STRN3: variants seen among roughly 807,000 people sequenced by gnomAD.
STRN3 encodes striatin-3.
A neutral mutation model predicts 95.6 loss-of-function variants in STRN3; 29 were observed. That is an observed-to-expected ratio of 0.30 (90% confidence interval 0.23 to 0.41). The LOEUF is 0.41. Among genes scored for constraint, STRN3 ranks in the 10% least tolerant of loss-of-function variants. The probability of loss-of-function intolerance (pLI) is 1.00; values close to 1 mark genes in which losing one functional copy is unlikely to be tolerated. For synonymous variants in STRN3, 331 were observed against 357.6 expected, an observed-to-expected ratio of 0.93 and a Z score of 0.84; for missense variants, 890 against 972.1, an observed-to-expected ratio of 0.92 and a Z score of 1.12.
In STRN3 at chr14:30,997,116, G is replaced by A. The variant is rs369810335; in HGVS notation, c.282+28788C>T. On this transcript the variant is annotated intron_variant, in intron 1 of 17. Transcript: ENST00000357479. Reference sequence around the variant, plus strand: ...CACAAAAGGCTAAGGAACAGGATCAGGACCTAATCGTAACAGCAGCAGGGC... The same window carrying A: ...CACAAAAGGCTAAGGAACAGGATCAAGACCTAATCGTAACAGCAGCAGGGC... Among the ~76,000 whole-genome samples the A allele has an allele frequency of 3.2e-3, 493 of 152,224 alleles. 15 individuals are homozygous for A. The South Asian group carries it at 0.072, about 22-fold the overall frequency.
intron 9 of STRN3, among the ~76,000 whole-genome samples, chr14:30,914,698 C>T (rs1896692548): frequency 8.7e-5 from 2 of 22,976 alleles, no homozygotes; most frequent in African/African-American, 1.9e-4. Context: ...TTTTAATGTC[C>T]CATTCTAGTT....
chr14:30,911,232 C>A, intron 12 of STRN3, 70 bp from the exon 13 acceptor site: 1 of 1,497,988 alleles, frequency 6.7e-7, no homozygotes, highest in African/African-American at 1.4e-5. Context: ...TCCATTCCCC[C>A]AACCTCTGAA....
At chr14:30,998,706 T>G (rs1882312546) in intron 1 of STRN3, among the ~76,000 whole-genome samples, 1 of 152,260 alleles carries the variant, frequency 6.6e-6, no homozygotes, top group Non-Finnish European at 1.5e-5. Context: ...GTGCAGAGAC[T>G]TCAGTAACCA....
chr14:30,969,869 G>A (rs906711754), intron 1 of STRN3, among the ~76,000 whole-genome samples: 15 of 151,922 alleles, frequency 9.9e-5, no homozygotes, highest in Non-Finnish European at 1.9e-4. Context: ...TCTCATCAAA[G>A]AGTGGAAAGA....
chr14:31,018,649 C>T (rs1883358783), intron 1 of STRN3: 1 of 468,464 alleles, frequency 2.1e-6, no homozygotes, highest in Non-Finnish European at 4.2e-6. Context: ...ACTTTGCGGA[C>T]AAAACTGGCC....
At chr14:31,025,574 C>T in intron 1 of STRN3, 1 of 409,570 alleles carries the variant, frequency 2.4e-6, no homozygotes, top group Non-Finnish European at 4.5e-6. Flanking sequence ...CCGGACTCTC[C>T]CACAGAGAGG....
At chr14:30,968,199 G>A (rs1880630719) in intron 1 of STRN3, among the ~76,000 whole-genome samples, 1 of 151,180 alleles carries the variant, frequency 6.6e-6, no homozygotes, top group South Asian at 2.1e-4. Flanking sequence ...AGTGTAACAT[G>A]TATTATCCTA....
chr14:30,970,088 T>C (rs1880749556), intron 1 of STRN3, among the ~76,000 whole-genome samples: 1 of 152,252 alleles, frequency 6.6e-6, no homozygotes, highest in African/African-American at 2.4e-5. Context: ...ACTCTTCTTT[T>C]CTCACTCTAT....
Position 30,912,157 on chromosome 14 carries a change from C to A in STRN3, c.1400G>T (p.Arg467Leu). ...TGTATACTTGGGATTCCATGTCTTTCGAAAGGCATCTTTATTAGCAGGCAA... is the reference window on the plus strand; with the variant it reads ...TGTATACTTGGGATTCCATGTCTTTAGAAAGGCATCTTTATTAGCAGGCAA... Reference protein sequence around the residue: ...YDLPANKDAFRKTWNPKYTLR... With the variant: ...YDLPANKDAFLKTWNPKYTLR... The change falls in exon 11 of 18, where the codon CGA becomes CTA. Residue 467 changes from arginine to leucine, a missense_variant. By Grantham distance (102) the Arg-to-Leu change is moderately radical (BLOSUM62 -2). Transcript: ENST00000357479. 6.2e-7 allele frequency: 1 copy of A among 1,609,358 alleles called. No individual in the cohort carries two copies. The highest frequency in any genetic ancestry group is 8.5e-7 in the Non-Finnish European group (1 of 1,178,906).
chr14:30,977,059 T>C (rs1263951767), intron 1 of STRN3, among the ~76,000 whole-genome samples: 1 of 151,782 alleles, frequency 6.6e-6, no homozygotes, highest in Non-Finnish European at 1.5e-5. Flanking sequence ...ACCCTGTCTC[T>C]ACTAAAAATA....
intron 1 of STRN3, among the ~76,000 whole-genome samples, chr14:31,001,496 A>G (rs1882448126): frequency 6.6e-6 from 1 of 152,038 alleles, no homozygotes; most frequent in Admixed American, 6.6e-5. Flanking sequence ...TGATCCTGCC[A>G]CTGCTACTGC....
chr14:30,910,383 C>G (rs1896576578), intron 13 of STRN3, among the ~76,000 whole-genome samples: 1 of 152,198 alleles, frequency 6.6e-6, no homozygotes, highest in African/African-American at 2.4e-5. Context: ...GTGCTTACCA[C>G]AATGCCTAGC....
chr14:30,981,800 T>C (rs1401716177), intron 1 of STRN3, among the ~76,000 whole-genome samples: 1 of 152,136 alleles, frequency 6.6e-6, no homozygotes, highest in Non-Finnish European at 1.5e-5. Flanking sequence ...ATTTTATTGA[T>C]AAAAGAATTC....
intron 5 of STRN3, among the ~76,000 whole-genome samples, chr14:30,945,844 T>C (rs1879335688): frequency 6.6e-6 from 1 of 151,950 alleles, no homozygotes; most frequent in African/African-American, 2.4e-5. Flanking sequence ...GGTTGGGAGA[T>C]AGGGAGAAAT....
chr14:31,002,511 C>T lies in STRN3; in HGVS notation c.282+23393G>A, dbSNP rs1431771864. On this transcript the variant is annotated intron_variant, in intron 1 of 17. Coordinates refer to ENST00000357479, the MANE Select transcript of STRN3 (RefSeq NM_001083893.2). Reference sequence around the variant, plus strand: ...AAAAAAAATTAGCTGGTCACAGTGGCGGGCGCCTGTAATCCCAGCTACTCA... The same window carrying T: ...AAAAAAAATTAGCTGGTCACAGTGGTGGGCGCCTGTAATCCCAGCTACTCA... 8.1e-5 allele frequency among the ~76,000 whole-genome samples: 12 copies of T among 148,298 alleles called. No homozygotes were observed. The East Asian group carries it at 1.0e-3, about 12-fold the overall frequency.
At chr14:30,982,235 T>C (rs2139230775) in intron 1 of STRN3, among the ~76,000 whole-genome samples, 1 of 151,564 alleles carries the variant, frequency 6.6e-6, no homozygotes, top group Middle Eastern at 3.4e-3. Context: ...TTATAAAAAA[T>C]ACCACCACCA....
intron 11 of STRN3, 82 bp from the exon 12 acceptor site, chr14:30,911,906 G>T: frequency 6.4e-7 from 1 of 1,555,412 alleles, no homozygotes; most frequent in Non-Finnish European, 8.7e-7. Flanking sequence ...ATAGTCATTA[G>T]ATCAAATGTG....
At chr14:30,976,309 T>C (rs1242017179) in intron 1 of STRN3, among the ~76,000 whole-genome samples, 1 of 152,168 alleles carries the variant, frequency 6.6e-6, no homozygotes. Context: ...AGGATAATTA[T>C]CCAGGATAAA....
intron 1 of STRN3, among the ~76,000 whole-genome samples, chr14:30,966,953 C>T (rs1157249573): frequency 6.6e-6 from 1 of 151,926 alleles, no homozygotes; most frequent in Non-Finnish European, 1.5e-5. Flanking sequence ...GCAGGTCAAC[C>T]TCCCAGGACA....
Sources: gnomAD v4.1 joint callset for allele counts (sites outside exome capture counted in the v4.1 genomes callset) on GRCh38, gnomAD v4.1.1 for gene constraint, MANE v1.5 for transcripts, NCBI Gene and HGNC (gene_info 2026-07-23, HGNC 2026-07-21) for gene names.